CHODL: variants seen among roughly 807,000 people sequenced by gnomAD.
CHODL encodes chondrolectin, also known as transmembrane protein MT75.
CHODL carries 29 observed loss-of-function variants against 34.5 expected under a neutral mutation model. The ratio of observed to expected loss-of-function variants is 0.84; its 90% confidence interval spans 0.63 to 1.15. CHODL has a LOEUF of 1.15. Ranked by LOEUF, CHODL falls within the 50% of genes most tolerant of loss-of-function variation. The probability of loss-of-function intolerance (pLI) is 0.00; values close to 1 mark genes in which losing one functional copy is unlikely to be tolerated. For missense variants in CHODL, 332 were observed against 332.5 expected, an observed-to-expected ratio of 1.00 and a Z score of 0.01; for synonymous variants, 125 against 116.1, an observed-to-expected ratio of 1.08 and a Z score of -0.49.
chr21:18,206,886 T>G (rs964226570), intron 2 of CHODL, among the ~76,000 whole-genome samples: 6 of 146,958 alleles, frequency 4.1e-5, no homozygotes, highest in Non-Finnish European at 9.1e-5. Flanking sequence ...ATTATTATTA[T>G]TATTATTATT....
At chr21:18,087,075 A>G (rs1191854024) in intron 2 of CHODL, among the ~76,000 whole-genome samples, 3 of 152,162 alleles carry the variant, frequency 2.0e-5, no homozygotes, top group Non-Finnish European at 1.5e-5. Flanking sequence ...TGTGCTTATG[A>G]GAGCTTGGTC....
intron 2 of CHODL, among the ~76,000 whole-genome samples, chr21:18,223,448 G>A (rs1417584169): frequency 6.6e-6 from 1 of 152,090 alleles, no homozygotes; most frequent in Non-Finnish European, 1.5e-5. Context: ...TGAAATTCGA[G>A]ACTTACGATT....
chr21:18,239,223 T>G (rs537763712), intron 2 of CHODL, among the ~76,000 whole-genome samples: 1 of 152,280 alleles, frequency 6.6e-6, no homozygotes, highest in African/African-American at 2.4e-5. Context: ...AAAGGTAACC[T>G]AGAGGATAAA....
Position 18,256,533 on chromosome 21 carries a change from T to G in CHODL, c.104T>G (p.Phe35Cys), listed in dbSNP as rs1254339613. ...VSGQKVCFAD[F>C]KHPCYKMAYF... ...GGCCAAAAGGTGTGTTTTGCTGACT[T>G]CAAGCATCCCTGCTACAAAATGGCC... The change falls in exon 2 of 6, where the codon TTC becomes TGC. Residue 35 changes from phenylalanine (F) to cysteine (C), a missense_variant. By Grantham distance (205) the Phe-to-Cys change is radical. Transcript: ENST00000299295. 1.2e-6 allele frequency: 2 copies of G among 1,612,978 alleles called. No homozygotes were observed. Among genetic ancestry groups the G allele is most frequent in the African/African-American group, 2.7e-5 (2 of 74,984 alleles).
chr21:17,950,178 TA>T (rs2063444482), intron 1 of CHODL, among the ~76,000 whole-genome samples: 2 of 151,994 alleles, frequency 1.3e-5, no homozygotes, highest in East Asian at 3.9e-4. Context: ...GATACATTTC[TA>T]AAAAGGGCAC....
At chr21:18,248,886 C>T in intron 1 of CHODL, among the ~76,000 whole-genome samples, 1 of 103,446 alleles carries the variant, frequency 9.7e-6, no homozygotes, top group Non-Finnish European at 1.7e-5. Context: ...TGTATTGTAC[C>T]TATAATATAA....
At chr21:18,250,852 T>G (rs1294739096) in intron 1 of CHODL, among the ~76,000 whole-genome samples, 1 of 151,954 alleles carries the variant, frequency 6.6e-6, no homozygotes, top group Non-Finnish European at 1.5e-5. Flanking sequence ...GATGCTCTTT[T>G]TTACTTTTTT....
intron 1 of CHODL, among the ~76,000 whole-genome samples, chr21:18,001,365 C>T (rs2063904269): frequency 6.6e-6 from 1 of 152,234 alleles, no homozygotes; most frequent in Non-Finnish European, 1.5e-5. Context: ...TCTTATTGGT[C>T]TTGCTGCTTC....
intron 1 of CHODL, among the ~76,000 whole-genome samples, chr21:18,247,666 T>C (rs921297360): frequency 6.6e-6 from 1 of 152,110 alleles, no homozygotes; most frequent in Admixed American, 6.5e-5. Context: ...ATTATTTTGA[T>C]GTACGAATAT....
At chr21:18,067,193 T>A (rs948154313) in intron 2 of CHODL, among the ~76,000 whole-genome samples, 1 of 152,168 alleles carries the variant, frequency 6.6e-6, no homozygotes. Flanking sequence ...AAAGAGCTTA[T>A]CTTTGGGAGA....
chr21:17,992,224 A>G (rs2063803099), intron 1 of CHODL, among the ~76,000 whole-genome samples: 1 of 152,136 alleles, frequency 6.6e-6, no homozygotes, highest in Admixed American at 6.5e-5. Context: ...TTTGGTTACT[A>G]TAGCTTTGTA....
chr21:17,990,284 T>A (rs1352779509), intron 1 of CHODL, among the ~76,000 whole-genome samples: 1 of 152,168 alleles, frequency 6.6e-6, no homozygotes, highest in Non-Finnish European at 1.5e-5. Flanking sequence ...TTTGACTCTC[T>A]GACTCTGTCT....
At chr21:18,074,293 C>G (rs2064839471) in intron 2 of CHODL, among the ~76,000 whole-genome samples, 1 of 152,162 alleles carries the variant, frequency 6.6e-6, no homozygotes, top group Admixed American at 6.6e-5. Context: ...GACTTAGACA[C>G]AAGTCACTTG....
chr21:17,919,843 G>C (rs1472204505), intron 1 of CHODL, among the ~76,000 whole-genome samples: 1 of 152,094 alleles, frequency 6.6e-6, no homozygotes, highest in African/African-American at 2.4e-5. Context: ...TGAATGCTTT[G>C]CTGCTTATAA....
chr21:17,956,139 A>G (rs2063492324), intron 1 of CHODL, among the ~76,000 whole-genome samples: 1 of 136,196 alleles, frequency 7.3e-6, no homozygotes, highest in African/African-American at 2.5e-5. Flanking sequence ...AGTGTTGGAG[A>G]TGGGGCCCAG....
chr21:17,926,840 A>AG (rs1228804284), intron 1 of CHODL, among the ~76,000 whole-genome samples: 1 of 152,156 alleles, frequency 6.6e-6, no homozygotes, highest in African/African-American at 2.4e-5. Flanking sequence ...CTAAAGGCAA[A>AG]TATTATAAAA....
Position 18,057,420 on chromosome 21 carries a change from G to A in CHODL, c.-45+29449G>A, listed in dbSNP as rs74969387. Among the ~76,000 whole-genome samples, 1,216 of 151,676 alleles carry A rather than the reference G, an allele frequency of 8.0e-3. 41 individuals are homozygous for A. The East Asian group carries it at 0.081, about 10-fold the overall frequency. On this transcript the variant is annotated intron_variant, in intron 2 of 6. Transcript: ENST00000400127. Reference sequence around the variant, plus strand: ...TACAGAGAGTTCCCGTATACCTCTCGACCCCACACATTCACAGCCTCATTC... The same window carrying A: ...TACAGAGAGTTCCCGTATACCTCTCAACCCCACACATTCACAGCCTCATTC...
intron 2 of CHODL, among the ~76,000 whole-genome samples, chr21:18,092,902 A>T (rs1859015877): frequency 6.6e-6 from 1 of 152,142 alleles, no homozygotes; most frequent in Admixed American, 6.5e-5. Flanking sequence ...GTAAAGAAAG[A>T]GATGGGGTGG....
chr21:18,028,599 T>G (rs892951631), intron 2 of CHODL, among the ~76,000 whole-genome samples: 61 of 149,328 alleles, frequency 4.1e-4, no homozygotes, highest in African/African-American at 1.4e-3. Context: ...TTTGGGAGGC[T>G]GAGGCAGAAG....
Sources: gnomAD v4.1 joint callset for allele counts (sites outside exome capture counted in the v4.1 genomes callset) on GRCh38, gnomAD v4.1.1 for gene constraint, MANE v1.5 for transcripts, NCBI Gene and HGNC (gene_info 2026-07-23, HGNC 2026-07-21) for gene names.